RARB: variants seen among roughly 807,000 people sequenced by gnomAD.
RARB encodes the protein HBV-activated protein.
RARB carries 17 observed loss-of-function variants against 51.9 expected under a neutral mutation model. The observed-to-expected ratio is 0.33, with a 90% CI of 0.22 to 0.49. The LOEUF is 0.49. Among genes scored for constraint, RARB ranks in the 20% least tolerant of loss-of-function variants. The pLI is 0.99. For missense variants in RARB, 369 were observed against 550.8 expected (o/e 0.67, Z 3.30); for synonymous variants, 215 against 195.4 (o/e 1.10, Z -0.84).
intron 5 of RARB, among the ~76,000 whole-genome samples, chr3:25,205,054 G>T (rs1231255581): frequency 6.6e-6 from 1 of 152,156 alleles, no homozygotes; most frequent in Non-Finnish European, 1.5e-5. Flanking sequence ...AGACCTCCTT[G>T]AGCTGTGGTG....
At chr3:25,388,460 C>A (rs1490455420) in intron 5 of RARB, among the ~76,000 whole-genome samples, 3 of 152,134 alleles carry the variant, frequency 2.0e-5, no homozygotes, top group African/African-American at 4.8e-5. Flanking sequence ...TTTTCCAGTT[C>A]ATTCTTCATT....
intron 5 of RARB, among the ~76,000 whole-genome samples, chr3:25,203,938 G>C (rs940390599): frequency 6.6e-6 from 1 of 152,106 alleles, no homozygotes; most frequent in South Asian, 2.1e-4. Flanking sequence ...AGTATCTTTG[G>C]GGAGTTCTGT....
intron 5 of RARB, among the ~76,000 whole-genome samples, chr3:25,206,088 G>A (rs982779830): frequency 6.6e-6 from 1 of 152,124 alleles, no homozygotes; most frequent in Non-Finnish European, 1.5e-5. Flanking sequence ...AACTTACAAT[G>A]GGTTTTTTGG....
At chr3:25,336,108 G>A (rs114202962) in intron 5 of RARB, among the ~76,000 whole-genome samples, 1,674 of 149,208 alleles carry the variant, frequency 0.011, 25 homozygotes, top group African/African-American at 0.038. Flanking sequence ...GTGATCTTAA[G>A]AGGAAAAAAG....
intron 5 of RARB, among the ~76,000 whole-genome samples, chr3:25,282,444 T>C (rs1057133590): frequency 2.6e-5 from 4 of 152,190 alleles, no homozygotes; most frequent in South Asian, 2.1e-4. Flanking sequence ...TCTAACACTT[T>C]TGATGCCCCT....
chr3:24,955,060 C>CT (rs1024320222), intron 2 of RARB, among the ~76,000 whole-genome samples: 5 of 152,120 alleles, frequency 3.3e-5, no homozygotes, highest in African/African-American at 1.2e-4. Context: ...TACCCAGGTT[C>CT]TTTTTTGGCA....
chr3:25,450,803 C>T (rs537473416), intron 1 of RARB, among the ~76,000 whole-genome samples: 11 of 151,984 alleles, frequency 7.2e-5, no homozygotes, highest in South Asian at 4.2e-4. Context: ...AACCCCTACC[C>T]GGCCGGGTGC....
intron 5 of RARB, among the ~76,000 whole-genome samples, chr3:25,195,962 G>T (rs138026085): frequency 2.0e-4 from 31 of 152,034 alleles, no homozygotes; most frequent in African/African-American, 7.0e-4. Context: ...AAACAAGACT[G>T]GGAGTTTTGT....
chr3:25,074,049 G>T (rs1325006464), intron 3 of RARB, among the ~76,000 whole-genome samples: 1 of 152,194 alleles, frequency 6.6e-6, no homozygotes, highest in Non-Finnish European at 1.5e-5. Context: ...TACGTGTCAG[G>T]CAATGTGCCA....
intron 4 of RARB, among the ~76,000 whole-genome samples, chr3:25,151,150 C>T (rs1243151438): frequency 2.0e-5 from 3 of 152,188 alleles, no homozygotes; most frequent in Non-Finnish European, 4.4e-5. Flanking sequence ...TTCCATTTGG[C>T]AGACACTAAA....
At chr3:24,855,972 A>G (rs542755768) in intron 1 of RARB, among the ~76,000 whole-genome samples, 4 of 152,080 alleles carry the variant, frequency 2.6e-5, no homozygotes, top group South Asian at 4.2e-4. Flanking sequence ...GGATGGTCTC[A>G]ATCTCCTGAC....
chr3:25,370,813 C>G (rs2125471747), intron 5 of RARB, among the ~76,000 whole-genome samples: 1 of 152,300 alleles, frequency 6.6e-6, no homozygotes, highest in South Asian at 2.1e-4. Context: ...AATTTATGTT[C>G]TAACAGATCT....
intron 1 of RARB, among the ~76,000 whole-genome samples, chr3:24,829,973 C>T (rs1236352733): frequency 6.6e-6 from 1 of 152,122 alleles, no homozygotes; most frequent in East Asian, 1.9e-4. Flanking sequence ...GCTTTGGGGC[C>T]GAAGAAAGGG....
chr3:25,429,224 A>G (rs538000384), intron 1 of RARB, among the ~76,000 whole-genome samples: 3 of 152,302 alleles, frequency 2.0e-5, no homozygotes, highest in Admixed American at 6.5e-5. Context: ...AAGTAGGGCA[A>G]TTTGACACAT....
chr3:25,039,555 C>T (rs771736196), intron 2 of RARB, among the ~76,000 whole-genome samples: 2 of 152,080 alleles, frequency 1.3e-5, no homozygotes, highest in African/African-American at 4.8e-5. Flanking sequence ...TCGAGTGGGG[C>T]ATGGGCATAA....
chr3:25,316,366 A>C (rs143223489), intron 5 of RARB, among the ~76,000 whole-genome samples: 243 of 152,328 alleles, frequency 1.6e-3, no homozygotes, highest in Admixed American at 4.5e-3. Flanking sequence ...AGATAAAATA[A>C]ATACATGCAA....
At chr3:25,576,672 G>T (rs1189742634) in intron 4 of RARB, among the ~76,000 whole-genome samples, 1 of 152,148 alleles carries the variant, frequency 6.6e-6, no homozygotes, top group African/African-American at 2.4e-5. Context: ...ATACTCGAAA[G>T]ATTCTAGAGA....
At chr3:24,911,339 A>G (rs894508158) in intron 2 of RARB, among the ~76,000 whole-genome samples, 41 of 152,200 alleles carry the variant, frequency 2.7e-4, no homozygotes, top group Non-Finnish European at 5.1e-4. Context: ...ATAAAATCAA[A>G]AAAAGCTTTT....
intron 2 of RARB, among the ~76,000 whole-genome samples, chr3:24,924,435 T>C (rs1292627994): frequency 1.3e-5 from 2 of 152,186 alleles, no homozygotes; most frequent in East Asian, 3.8e-4. Flanking sequence ...ATATCTGTGC[T>C]CCTCAGTATG....
Sources: allele counts gnomAD v4.1 joint callset (sites outside exome capture counted in the v4.1 genomes callset), GRCh38; gene constraint gnomAD v4.1.1; transcripts MANE v1.5; gene names NCBI Gene and HGNC (gene_info 2026-07-23, HGNC 2026-07-21).